The following ABLIM1 variants were observed in gnomAD, a reference collection of about 807,000 sequenced individuals.
ABLIM1 encodes actin-binding LIM protein 1.
Under a neutral mutation model 107.0 loss-of-function variants are expected in ABLIM1, and 40 were observed. That is an observed-to-expected ratio of 0.37 (90% CI 0.29 to 0.49). The LOEUF is 0.49. Among genes scored for constraint, ABLIM1 ranks in the 20% least tolerant of loss-of-function variants. The pLI, the probability that ABLIM1 is intolerant of heterozygous loss-of-function variation, is 0.97. For missense variants in ABLIM1, 857 were observed against 1,008.5 expected (o/e 0.85, Z 2.04); for synonymous variants, 357 against 357.3 (o/e 1.00, Z 0.01).
chr10:114,608,009 T>C (rs1360484651), intron 1 of ABLIM1, among the ~76,000 whole-genome samples: 2 of 152,258 alleles, frequency 1.3e-5, no homozygotes, highest in African/African-American at 4.8e-5. Flanking sequence ...GTGTTGAGTA[T>C]ACAGGAAATA....
At chr10:114,777,508 T>C in the ABLIM1 span, among the ~76,000 whole-genome samples, 1 of 152,178 alleles carries the variant, frequency 6.6e-6, no homozygotes, top group African/African-American at 2.4e-5. Context: ...ATGCCAAACA[T>C]TGTATATAAA....
intron 1 of ABLIM1, among the ~76,000 whole-genome samples, chr10:114,649,644 G>A (rs908081433): frequency 1.3e-5 from 2 of 151,826 alleles, no homozygotes; most frequent in Non-Finnish European, 2.9e-5. Context: ...ACCTCTACAC[G>A]CCCTAACAAA....
chr10:114,492,405 T>C (rs867198347), intron 6 of ABLIM1, among the ~76,000 whole-genome samples: 1 of 152,220 alleles, frequency 6.6e-6, no homozygotes, highest in African/African-American at 2.4e-5. Context: ...GTCTCCTCTA[T>C]GCAGCTTGCA....
At chr10:114,673,460 G>A (rs2141427050) in intron 1 of ABLIM1, among the ~76,000 whole-genome samples, 2 of 152,112 alleles carry the variant, frequency 1.3e-5, no homozygotes, top group Admixed American at 1.3e-4. Flanking sequence ...CCTCATCTCT[G>A]AAGCCTTCCT....
intron 1 of ABLIM1, among the ~76,000 whole-genome samples, chr10:114,739,479 A>T (rs1425046917): frequency 6.6e-6 from 1 of 152,252 alleles, no homozygotes; most frequent in Non-Finnish European, 1.5e-5. Context: ...CAATGAAAAA[A>T]GAACAATGTA....
chr10:114,581,116 G>A (rs2073316887), intron 2 of ABLIM1, among the ~76,000 whole-genome samples: 1 of 152,078 alleles, frequency 6.6e-6, no homozygotes, highest in Non-Finnish European at 1.5e-5. Context: ...AACTACTAAA[G>A]AAGAACATGT....
intron 1 of ABLIM1, among the ~76,000 whole-genome samples, chr10:114,744,084 T>G (rs570758470): frequency 1.3e-5 from 2 of 152,334 alleles, no homozygotes; most frequent in Non-Finnish European, 2.9e-5. Context: ...AGAAGTTTCG[T>G]GATGGGACCA....
intron 10 of ABLIM1, among the ~76,000 whole-genome samples, chr10:114,471,865 G>A (rs1468383641): frequency 6.6e-6 from 1 of 151,840 alleles, no homozygotes; most frequent in African/African-American, 2.4e-5. Context: ...ACATCTTTGT[G>A]GACTAAAATC....
chr10:114,445,151 T>C (rs112035693), intron 16 of ABLIM1, among the ~76,000 whole-genome samples, 161 bp downstream of exon 16: 2 of 152,184 alleles, frequency 1.3e-5, no homozygotes, highest in African/African-American at 4.8e-5. Flanking sequence ...TAGTTACTAT[T>C]AACAGACACC....
intron 1 of ABLIM1, among the ~76,000 whole-genome samples, chr10:114,714,314 C>T (rs536681830): frequency 6.6e-6 from 1 of 152,262 alleles, no homozygotes; most frequent in East Asian, 1.9e-4. Flanking sequence ...GATCAGGCAG[C>T]TAATCAAATT....
At chr10:114,450,409 T>C (rs1452212647) in intron 14 of ABLIM1, among the ~76,000 whole-genome samples, 3 of 150,924 alleles carry the variant, frequency 2.0e-5, no homozygotes, top group African/African-American at 7.3e-5. Flanking sequence ...GATTTTCACA[T>C]CGTCCTAATT....
At chr10:114,712,129 G>C (rs116118938) in intron 1 of ABLIM1, among the ~76,000 whole-genome samples, 138 of 152,126 alleles carry the variant, frequency 9.1e-4, no homozygotes, top group African/African-American at 3.2e-3. Flanking sequence ...AAGGTGGTTG[G>C]ATCATTTGAG....
rs955070456 is a variant in ABLIM1, at chr10:114,629,346, T to C, written c.245-27385A>G. Among the ~76,000 whole-genome samples the C allele has an allele frequency of 6.6e-6, 1 of 152,218 alleles. No individual in the cohort carries two copies. Among genetic ancestry groups the C allele is most frequent in the Non-Finnish European group, 1.5e-5 (1 of 68,032 alleles). On this transcript the variant is annotated intron_variant, in intron 1 of 22. Coordinates refer to ENST00000533213, the MANE Select transcript of ABLIM1 (RefSeq NM_002313.7). This position sits in a 1 kb window ranked among gnomAD's most constrained non-coding sequence, Gnocchi z 4.0. ...TGCCAGGACCCGAGCCTCCTCGAGT[T>C]GATTCCTGACAGCTCCACAGGGAAG...
intron 6 of ABLIM1, among the ~76,000 whole-genome samples, chr10:114,523,609 C>A (rs1408335987): frequency 6.6e-6 from 1 of 152,180 alleles, no homozygotes; most frequent in Non-Finnish European, 1.5e-5. Context: ...CTACAACCCA[C>A]AGACCCACTC....
At chr10:114,651,433 C>A (rs544275332) in intron 1 of ABLIM1, among the ~76,000 whole-genome samples, 369 of 152,262 alleles carry the variant, frequency 2.4e-3, no homozygotes, top group African/African-American at 8.4e-3. Context: ...AACCTGCAGC[C>A]TGCTGGGCCT....
intron 2 of ABLIM1, among the ~76,000 whole-genome samples, chr10:114,582,339 C>T (rs1004422675): frequency 1.3e-5 from 2 of 152,074 alleles, no homozygotes; most frequent in South Asian, 2.1e-4. Flanking sequence ...GAGAATGAAA[C>T]ACTGCTGAAA....
intron 4 of ABLIM1, among the ~76,000 whole-genome samples, chr10:114,550,521 A>G (rs187166015): frequency 1.3e-5 from 2 of 152,226 alleles, no homozygotes; most frequent in African/African-American, 4.8e-5. Context: ...CCAGAGTGGA[A>G]CCATTGTTAT....
chr10:114,771,890 C>A (rs1239735198), upstream of ABLIM1, among the ~76,000 whole-genome samples: 1 of 152,094 alleles, frequency 6.6e-6, no homozygotes, highest in Non-Finnish European at 1.5e-5. Flanking sequence ...CTTTTAATTT[C>A]TAATGGAAGG....
chr10:114,788,864 A>G, the ABLIM1 span, among the ~76,000 whole-genome samples: 1 of 152,266 alleles, frequency 6.6e-6, no homozygotes, highest in African/African-American at 2.4e-5. Context: ...AATATTGCAT[A>G]GAATACACCA....
Sources: gnomAD v4.1 joint callset for allele counts (sites outside exome capture counted in the v4.1 genomes callset) on GRCh38, gnomAD v4.1.1 for gene constraint, Gnocchi (gnomAD v3.1) non-coding constraint, MANE v1.5 for transcripts, NCBI Gene and HGNC (gene_info 2026-07-23, HGNC 2026-07-21) for gene names.